Variants in SERPINB2 observed in about 807,000 individuals in gnomAD.
SERPINB2 encodes the protein plasminogen activator inhibitor 2.
In SERPINB2, 28 loss-of-function variants were observed where a neutral mutation model predicts 39.4. The ratio of observed to expected loss-of-function variants is 0.71; its 90% confidence interval spans 0.53 to 0.97. The LOEUF (loss-of-function observed/expected upper bound fraction) is 0.97. SERPINB2 is among the 50% of genes least tolerant of loss of function. The pLI is 0.00. For synonymous variants in SERPINB2, 209 were observed against 175.1 expected, an observed-to-expected ratio of 1.19 and a Z score of -1.53; for missense variants, 557 against 505.3, an observed-to-expected ratio of 1.10 and a Z score of -0.98.
At chr18:63,895,421 A>T (rs1335811327) in intron 3 of SERPINB2, 38 bp downstream of exon 3, 1 of 1,613,376 alleles carries the variant, frequency 6.2e-7, no homozygotes, top group Admixed American at 1.7e-5. Flanking sequence ...TTTGTGGTTT[A>T]TTTTTGCAAT....
intron 2 of SERPINB2, chr18:63,892,611 G>A (rs2049933953): frequency 1.3e-5 from 2 of 152,166 alleles, no homozygotes; most frequent in African/African-American, 4.8e-5. Flanking sequence ...AGTTTCCCAC[G>A]AGAATGTACC....
chr18:63,891,424 C>G lies in SERPINB2; in HGVS notation c.-9-12C>G. 1.1e-5 allele frequency: 18 copies of G among 1,612,988 alleles called. No homozygotes were observed. Among genetic ancestry groups the G allele is most frequent in the Non-Finnish European group, 1.5e-5 (18 of 1,179,470 alleles). On this transcript the variant is annotated splice_polypyrimidine_tract_variant and intron_variant, in intron 1 of 7. Transcript: ENST00000299502. ...TTCAGAGCTGTTTTTTTCTTCCTCT[C>G]TTTGCTTCTAGATTGAAACAATGGA...
chr18:63,900,905 C>T (rs1471595121), intron 5 of SERPINB2, among the ~76,000 whole-genome samples: 1 of 152,074 alleles, frequency 6.6e-6, no homozygotes, highest in African/African-American at 2.4e-5. Context: ...AGCATTGTAA[C>T]GTTGGGAAGA....
intron 2 of SERPINB2, among the ~76,000 whole-genome samples, chr18:63,893,843 A>G (rs998565754): frequency 6.6e-6 from 1 of 152,218 alleles, no homozygotes; most frequent in African/African-American, 2.4e-5. Context: ...AAATATTATG[A>G]GGTAGGTACG....
chr18:63,890,117 G>A (rs1034113423), intron 1 of SERPINB2: 4 of 152,282 alleles, frequency 2.6e-5, no homozygotes, highest in Non-Finnish European at 4.4e-5. Context: ...TTAGGGATAC[G>A]TTTTATTTAA....
chr18:63,901,361 C>G (rs2049989980), intron 5 of SERPINB2, among the ~76,000 whole-genome samples: 1 of 152,146 alleles, frequency 6.6e-6, no homozygotes, highest in Non-Finnish European at 1.5e-5. Context: ...TAGACCAGAT[C>G]TAGCAGTACA....
intron 3 of SERPINB2, among the ~76,000 whole-genome samples, chr18:63,896,825 CT>C (rs1240817782): frequency 1.3e-5 from 2 of 152,142 alleles, no homozygotes; most frequent in Non-Finnish European, 2.9e-5. Context: ...GAGAAGGGGC[CT>C]TTCTTCTAGG....
intron 1 of SERPINB2, among the ~76,000 whole-genome samples, chr18:63,888,320 G>C (rs1168379015): frequency 6.6e-6 from 1 of 152,184 alleles, no homozygotes; most frequent in African/African-American, 2.4e-5. Flanking sequence ...TTTAGTGAAA[G>C]AGAATAATCA....
chr18:63,892,567 T>C (rs1349515786), intron 2 of SERPINB2: 2 of 152,246 alleles, frequency 1.3e-5, no homozygotes, highest in Non-Finnish European at 2.9e-5. Context: ...GCATTGTGCA[T>C]GCAGTCACAC....
chr18:63,902,861 G>T, intron 7 of SERPINB2, 40 bp from the exon 8 acceptor site: 1 of 1,497,344 alleles, frequency 6.7e-7, no homozygotes, highest in Non-Finnish European at 8.9e-7. Flanking sequence ...AATACTTGCT[G>T]TATTTTCTTT....
chr18:63,897,054 T>C lies in SERPINB2; in HGVS notation c.289-37T>C, dbSNP rs1252652755. The C allele has an allele frequency of 4.6e-5, 73 of 1,594,910 alleles. No homozygotes were observed. The Admixed American group carries it at 1.2e-3, about 27-fold the overall frequency. ...TAAGAACTATCTTGTTTAGTAGTTC[T>C]GTGTTATATATAAAGAATTCCTTCT... On this transcript the variant is annotated intron_variant, in intron 3 of 7. Coordinates refer to ENST00000299502, the MANE Select transcript of SERPINB2 (RefSeq NM_002575.3).
intron 2 of SERPINB2, among the ~76,000 whole-genome samples, chr18:63,893,239 G>GT (rs2049938362): frequency 6.6e-6 from 1 of 152,020 alleles, no homozygotes; most frequent in African/African-American, 2.4e-5. Flanking sequence ...AGGTTTTTTT[G>GT]TTTTTTAAAT....
rs766631504 is a variant in SERPINB2 at position 63,897,710 on chromosome 18, AT to A, written c.418-13del. 33 of 1,476,406 alleles carry A rather than the reference AT, an allele frequency of 2.2e-5. No homozygotes were observed. In the Middle Eastern group the frequency reaches 1.4e-3, roughly 61 times the overall value. 91.5% of individuals were successfully genotyped at this position (1,476,406 alleles called of 1,614,324 possible). ...GTATGTATTTTATGTAGCCTTTGTC[AT>A]TTTCTTGCTTTAAAGGAATATATTC... On this transcript the variant is annotated splice_polypyrimidine_tract_variant and intron_variant, in intron 4 of 7. Transcript: ENST00000299502.
At chr18:63,892,842 C>T (rs2049935335) in intron 2 of SERPINB2, 1 of 152,186 alleles carries the variant, frequency 6.6e-6, no homozygotes, top group South Asian at 2.1e-4. Flanking sequence ...AATATTCTTT[C>T]CCCATTATTT....
intron 1 of SERPINB2, among the ~76,000 whole-genome samples, chr18:63,890,343 G>C (rs904744194): frequency 2.0e-5 from 3 of 152,154 alleles, no homozygotes; most frequent in Non-Finnish European, 4.4e-5. Context: ...GCTTCCTCCT[G>C]GGTACTTCCA....
chr18:63,902,149 A>T (rs1015416), intron 6 of SERPINB2, among the ~76,000 whole-genome samples: 2 of 152,006 alleles, frequency 1.3e-5, no homozygotes, highest in African/African-American at 2.4e-5. Flanking sequence ...GCCCATAGTA[A>T]GAACTAAACA....
At chr18:63,895,945 T>A (rs2049956970) in intron 3 of SERPINB2, among the ~76,000 whole-genome samples, 1 of 152,228 alleles carries the variant, frequency 6.6e-6, no homozygotes, top group African/African-American at 2.4e-5. Context: ...GTCATCTGTC[T>A]ATCTTATCTA....
chr18:63,898,124 G>A (rs923647716), intron 5 of SERPINB2, among the ~76,000 whole-genome samples: 1 of 152,202 alleles, frequency 6.6e-6, no homozygotes, highest in South Asian at 2.1e-4. Flanking sequence ...TTTCAAAATA[G>A]GAAATATCAG....
chr18:63,903,319 G>A lies in SERPINB2; in HGVS notation c.*14G>A. The A allele has an allele frequency of 6.8e-7, 1 of 1,473,840 alleles. No individual in the cohort carries two copies. The highest frequency in any genetic ancestry group is 9.0e-7 in the Non-Finnish European group (1 of 1,112,602). The allele number at this position is 1,473,840 out of a possible 1,614,324, so 91.3% of individuals were successfully genotyped here. A position where few individuals can be genotyped will look rare whatever the true frequency, so the allele number is the denominator to read the frequency against. On this transcript the variant is annotated 3_prime_UTR_variant, in exon 8 of 8. Coordinates refer to ENST00000299502, the MANE Select transcript of SERPINB2 (RefSeq NM_002575.3). Reference sequence around the variant, plus strand: ...TCCTCACCCTAAAACTAAGCGTGCTGCTTCTGCAAAAGATTTTTGTAGATG... The same window carrying A: ...TCCTCACCCTAAAACTAAGCGTGCTACTTCTGCAAAAGATTTTTGTAGATG...
Sources: gnomAD v4.1 joint callset for allele counts (sites outside exome capture counted in the v4.1 genomes callset) on GRCh38, gnomAD v4.1.1 for gene constraint, MANE v1.5 for transcripts, NCBI Gene and HGNC (gene_info 2026-07-23, HGNC 2026-07-21) for gene names.